Variants in NSL1 observed in about 807,000 individuals in gnomAD.
NSL1 encodes the protein kinetochore-associated protein NSL1 homolog.
A neutral mutation model predicts 25.4 loss-of-function variants in NSL1; 11 were observed. That is an observed-to-expected ratio of 0.43 (90% CI 0.27 to 0.72). The LOEUF (loss-of-function observed/expected upper bound fraction) is 0.72, where lower values mean the gene tolerates loss of function less well. NSL1 is among the 30% of genes least tolerant of loss of function. NSL1 has a pLI of 0.19. For missense variants in NSL1, 330 were observed against 342.7 expected (o/e 0.96, Z 0.29); for synonymous variants, 118 against 120.6 (o/e 0.98, Z 0.14).
chr1:212,748,910 T>C (rs939298528), intron 4 of NSL1, among the ~76,000 whole-genome samples: 11 of 152,216 alleles, frequency 7.2e-5, no homozygotes, highest in African/African-American at 2.7e-4. Flanking sequence ...TTTTTAAAAA[T>C]ACAATAAACG....
At position 212,730,453 on chromosome 1, in the gene NSL1, A is replaced by G; in HGVS notation, c.*7955T>C. On this transcript the variant is annotated 3_prime_UTR_variant, in exon 6 of 6. Coordinates refer to ENST00000366977, the MANE Select transcript of NSL1 (RefSeq NM_015471.4). ...GTCTTAAAATCTGCAACTAGGTATGAGCCCAAAGGCACTGGAGCCATTCTC... is the reference window on the plus strand; with the variant it reads ...GTCTTAAAATCTGCAACTAGGTATGGGCCCAAAGGCACTGGAGCCATTCTC... 2 of 985,332 alleles carry G rather than the reference A, an allele frequency of 2.0e-6. No homozygotes were observed. Among genetic ancestry groups the G allele is most frequent in the Non-Finnish European group, 2.4e-6 (2 of 829,930 alleles). 61.0% of individuals were successfully genotyped at this position (985,332 alleles called of 1,614,324 possible). A position where few individuals can be genotyped will look rare whatever the true frequency, so the allele number is the denominator to read the frequency against.
chr1:212,772,231 A>T (rs972215045), intron 4 of NSL1, among the ~76,000 whole-genome samples: 1 of 152,238 alleles, frequency 6.6e-6, no homozygotes, highest in Non-Finnish European at 1.5e-5. Context: ...CTAGTACAGG[A>T]TACAAATAGA....
intron 4 of NSL1, among the ~76,000 whole-genome samples, chr1:212,775,570 T>C (rs1485744793): frequency 6.7e-6 from 1 of 149,562 alleles, no homozygotes; most frequent in Non-Finnish European, 1.5e-5. Context: ...GAGACCAGCC[T>C]AGGCAATATA....
chr1:212,740,837 TATTGATGATTTAAATAACAAA>T (rs765966324), intron 4 of NSL1, among the ~76,000 whole-genome samples: 17 of 152,230 alleles, frequency 1.1e-4, no homozygotes, highest in Non-Finnish European at 1.9e-4. Context: ...TGTGCTTCTT[TATTGATGATTTAAATAACAAA>T]ATTGATGGCA....
chr1:212,774,993 G>A (rs1660295640), intron 4 of NSL1, among the ~76,000 whole-genome samples: 1 of 152,146 alleles, frequency 6.6e-6, no homozygotes, highest in Non-Finnish European at 1.5e-5. Context: ...TAAAAAGTCT[G>A]TATACTCATG....
At chr1:212,739,472 A>C in intron 5 of NSL1, 62 bp downstream of exon 5, 1 of 1,479,508 alleles carries the variant, frequency 6.8e-7, no homozygotes, top group South Asian at 1.2e-5. Context: ...ATGAATGTTG[A>C]ATGCAAATAC....
intron 4 of NSL1, among the ~76,000 whole-genome samples, chr1:212,768,359 A>G (rs1412474062): frequency 6.7e-6 from 1 of 150,084 alleles, no homozygotes; most frequent in Non-Finnish European, 1.5e-5. Context: ...AAGCAGGACT[A>G]CCATTCGATC....
At position 212,791,593 on chromosome 1, in the gene NSL1, C is replaced by T; in HGVS notation, c.171G>A (p.Val57=). ...TEMLQLCGRF[V]QKLGDALPEE... ...CCGGCAGAGCGTCCCCGAGCTTTTGCACGAAGCGGCCGCACAGTTGTAGCA... is the reference window on the plus strand; with the variant it reads ...CCGGCAGAGCGTCCCCGAGCTTTTGTACGAAGCGGCCGCACAGTTGTAGCA... The change falls in exon 1 of 6, where the codon GTG becomes GTA. Residue 57 remains valine (V), a synonymous_variant. Transcript: ENST00000366977. 1.2e-6 allele frequency: 2 copies of T among 1,613,940 alleles called. No homozygotes were observed. The highest frequency in any genetic ancestry group is 4.5e-5 in the East Asian group (2 of 44,880).
Position 212,736,447 on chromosome 1 carries a change from T to C in NSL1, c.*1961A>G. 2 of 985,318 alleles carry C rather than the reference T, an allele frequency of 2.0e-6. No homozygotes were observed. The highest frequency in any genetic ancestry group is 9.4e-5 in the South Asian group (2 of 21,278). 61.0% of individuals were successfully genotyped at this position (985,318 alleles called of 1,614,324 possible). A position where few individuals can be genotyped will look rare whatever the true frequency, so the allele number is the denominator to read the frequency against. On this transcript the variant is annotated 3_prime_UTR_variant, in exon 6 of 6. Transcript: ENST00000366977. ...CAATTCCTTAAAACTACAGACTTTC[T>C]TGCTTTTAATCCTTAGCTTACTAGT...
In NSL1 at chr1:212,728,935, C is replaced by T. The variant is rs752380239; in HGVS notation, c.*9473G>A. ...AGCAGTGTTTATTTGTGTGTTTGAA[C>T]GTTTGTTCCCTTTGAATATGAAAGA... On this transcript the variant is annotated 3_prime_UTR_variant, in exon 6 of 6. Transcript: ENST00000366977. 2.5e-5 allele frequency: 25 copies of T among 985,142 alleles called. No individual in the cohort carries two copies. In the South Asian group the frequency reaches 9.4e-4, roughly 37 times the overall value. 61.0% of individuals were successfully genotyped at this position (985,142 alleles called of 1,614,324 possible).
At chr1:212,761,488 A>G (rs1373187083) in intron 4 of NSL1, among the ~76,000 whole-genome samples, 1 of 152,132 alleles carries the variant, frequency 6.6e-6, no homozygotes, top group Non-Finnish European at 1.5e-5. Context: ...AAAAACACAA[A>G]AATAGCTGGG....
In NSL1 at chr1:212,727,327, G is replaced by A. The variant is rs1224322048; in HGVS notation, c.*11081C>T. On this transcript the variant is annotated 3_prime_UTR_variant, in exon 6 of 6. Coordinates refer to ENST00000366977, the MANE Select transcript of NSL1 (RefSeq NM_015471.4). ...CCAGGATCCCCTTCCAAATTACTGA[G>A]GGGCAGTAAGTCCTGGCACTCAGCA... 2.3e-6 allele frequency: 3 copies of A among 1,291,568 alleles called. No homozygotes were observed. Among genetic ancestry groups the A allele is most frequent in the Admixed American group, 3.7e-5 (1 of 26,936 alleles). 80.0% of individuals were successfully genotyped at this position (1,291,568 alleles called of 1,614,324 possible).
intron 1 of NSL1, among the ~76,000 whole-genome samples, chr1:212,790,926 A>AT: frequency 1.3e-5 from 2 of 150,050 alleles, no homozygotes; most frequent in South Asian, 2.1e-4. Flanking sequence ...CTGTCTCAAA[A>AT]AAAAAAAATA....
At chr1:212,790,941 A>AAATAAATAAAT (rs1553255519) in intron 1 of NSL1, among the ~76,000 whole-genome samples, 5 of 151,612 alleles carry the variant, frequency 3.3e-5, no homozygotes, top group African/African-American at 9.7e-5. Flanking sequence ...AAAATAAAAT[A>AAATAAATAAAT]AAATAAATAA....
rs73083713 is a variant in NSL1 at position 212,776,821 on chromosome 1, C to A, written c.499+5551G>T. 2.4e-3 allele frequency among the ~76,000 whole-genome samples: 371 copies of A among 151,850 alleles called. 6 individuals are homozygous for A. The highest frequency in any genetic ancestry group is 8.5e-3 in the African/African-American group (354 of 41,510). Reference sequence around the variant, plus strand: ...GCTGAACTATGAAAGTTCTACATGTCAATGCTTGTGGTATGTAGCTAAATC... The same window carrying A: ...GCTGAACTATGAAAGTTCTACATGTAAATGCTTGTGGTATGTAGCTAAATC... On this transcript the variant is annotated intron_variant, in intron 4 of 5. Coordinates refer to ENST00000366977, the MANE Select transcript of NSL1 (RefSeq NM_015471.4).
chr1:212,729,376 C>T lies in NSL1; in HGVS notation c.*9032G>A. 1 of 982,494 alleles carries T rather than the reference C, an allele frequency of 1.0e-6. No individual in the cohort carries two copies. The highest frequency in any genetic ancestry group is 1.2e-6 in the Non-Finnish European group (1 of 827,296). The allele number at this position is 982,494 out of a possible 1,614,324, so 60.9% of individuals were successfully genotyped here. A position where few individuals can be genotyped will look rare whatever the true frequency, so the allele number is the denominator to read the frequency against. On this transcript the variant is annotated 3_prime_UTR_variant, in exon 6 of 6. Coordinates refer to ENST00000366977, the MANE Select transcript of NSL1 (RefSeq NM_015471.4). Reference sequence around the variant, plus strand: ...GTGCCTTGGTTTACAGGTGTACATCCACACAGCTCTTAGCACAGTATTTAG... The same window carrying T: ...GTGCCTTGGTTTACAGGTGTACATCTACACAGCTCTTAGCACAGTATTTAG...
intron 4 of NSL1, among the ~76,000 whole-genome samples, chr1:212,779,480 G>A (rs1391890438): frequency 6.1e-5 from 7 of 115,422 alleles, no homozygotes; most frequent in Admixed American, 7.8e-5. Flanking sequence ...CCCTCTGCAC[G>A]GCCAGCCGCC....
In NSL1 at chr1:212,782,446, A is replaced by C; in HGVS notation, c.445-20T>G. 6.5e-7 allele frequency: 1 copy of C among 1,546,740 alleles called. No homozygotes were observed. On this transcript the variant is annotated intron_variant, in intron 3 of 5. Transcript: ENST00000366977. ...CTGCTTCTAAACATAACATAAATTA[A>C]AACAGATTTAATCACTTAATGCTTC...
rs1657835764 is a variant in NSL1, at chr1:212,727,469, G to GCAGT, written c.*10935_*10938dup. 2.1e-5 allele frequency: 21 copies of GCAGT among 985,276 alleles called. No individual in the cohort carries two copies. The South Asian group carries it at 8.9e-4, about 42-fold the overall frequency. The allele number at this position is 985,276 out of a possible 1,614,324, so 61.0% of individuals were successfully genotyped here. On this transcript the variant is annotated 3_prime_UTR_variant, in exon 6 of 6. Coordinates refer to ENST00000366977, the MANE Select transcript of NSL1 (RefSeq NM_015471.4). Reference sequence around the variant, plus strand: ...TGGAAAAGTGACACAATTTCAAGCAGCAGTCAACTAAAACGATTCCTTTTG... The same window carrying GCAGT: ...TGGAAAAGTGACACAATTTCAAGCAGCAGTCAGTCAACTAAAACGATTCCTTTTG...
Sources: gnomAD v4.1 joint callset for allele counts (sites outside exome capture counted in the v4.1 genomes callset) on GRCh38, gnomAD v4.1.1 for gene constraint, MANE v1.5 for transcripts, NCBI Gene and HGNC (gene_info 2026-07-23, HGNC 2026-07-21) for gene names.